The following MAPK8IP1 variants were observed in gnomAD, a reference collection of about 807,000 sequenced individuals.
The protein encoded by MAPK8IP1 is mitogen-activated protein kinase 8 interacting protein 1.
In MAPK8IP1, 17 loss-of-function variants were observed where a neutral mutation model predicts 72.6. That is an observed-to-expected ratio of 0.23 (90% confidence interval 0.16 to 0.35). The LOEUF is 0.35. Ranked by LOEUF, MAPK8IP1 falls within the 10% of genes least tolerant of loss-of-function variation. The probability of loss-of-function intolerance (pLI) is 1.00; values close to 1 mark genes in which losing one functional copy is unlikely to be tolerated. For synonymous variants in MAPK8IP1, 401 were observed against 443.4 expected, an observed-to-expected ratio of 0.90 and a Z score of 1.20; for missense variants, 789 against 1,009.7, an observed-to-expected ratio of 0.78 and a Z score of 2.96.
rs1374530927 is a variant in MAPK8IP1, at chr11:45,900,904, G to A, written c.522+452G>A. Among the ~76,000 whole-genome samples the A allele has an allele frequency of 6.6e-6, 1 of 152,072 alleles. No individual in the cohort carries two copies. Among genetic ancestry groups the A allele is most frequent in the African/African-American group, 2.4e-5 (1 of 41,388 alleles). On this transcript the variant is annotated intron_variant, in intron 3 of 11. Transcript: ENST00000241014. This position sits in a 1 kb window ranked among gnomAD's most constrained non-coding sequence, Gnocchi z 6.5. ...GCCGTGGGAGATCGTGGCGAGGTGG[G>A]GATGGGAAGCTCAGGGGCCACAGCC...
At chr11:45,892,462 G>A (rs1436594980) in intron 1 of MAPK8IP1, among the ~76,000 whole-genome samples, 1 of 152,180 alleles carries the variant, frequency 6.6e-6, no homozygotes, top group Non-Finnish European at 1.5e-5. Flanking sequence ...CCACCCATAT[G>A]GATTAACTGA....
At chr11:45,896,563 T>G in intron 1 of MAPK8IP1, 1 of 1,238,798 alleles carries the variant, frequency 8.1e-7, no homozygotes, top group East Asian at 3.4e-5. Flanking sequence ...TGCAGTAACC[T>G]GATCCCGTGA....
chr11:45,887,348 A>G (rs2086535330), intron 1 of MAPK8IP1, among the ~76,000 whole-genome samples: 1 of 152,180 alleles, frequency 6.6e-6, no homozygotes, highest in African/African-American at 2.4e-5. Flanking sequence ...AACAAGTGTC[A>G]GCCCCCACAC....
Position 45,903,511 on chromosome 11 carries a change from C to A in MAPK8IP1, c.1493+71C>A. On this transcript the variant is annotated intron_variant, in intron 6 of 11. Coordinates refer to ENST00000241014, the MANE Select transcript of MAPK8IP1 (RefSeq NM_005456.4). This position sits in a 1 kb window ranked among gnomAD's most constrained non-coding sequence, Gnocchi z 6.4. ...CCACACACCACCCTCTACTTGTCACCCCTACATGGCCTCAGCCTAACCCCT... is the reference window on the plus strand; with the variant it reads ...CCACACACCACCCTCTACTTGTCACACCTACATGGCCTCAGCCTAACCCCT... 1.5e-6 allele frequency: 2 copies of A among 1,313,262 alleles called. No individual in the cohort carries two copies. The highest frequency in any genetic ancestry group is 2.1e-6 in the Non-Finnish European group (2 of 934,876). The allele number at this position is 1,313,262 out of a possible 1,614,324, so 81.4% of individuals were successfully genotyped here.
At position 45,904,952 on chromosome 11, in the gene MAPK8IP1, T is replaced by G. The variant is rs1294256105; in HGVS notation, c.1894-19T>G. On this transcript the variant is annotated intron_variant, in intron 9 of 11. Transcript: ENST00000241014. This position sits in a 1 kb window ranked among gnomAD's most constrained non-coding sequence, Gnocchi z 6.4. ...CAGGCCAGGTGACCGCCCTCTTGCT[T>G]CTTTTCTCCCTCCTGTAGGGGAATA... is the stretch of plus-strand genomic sequence containing the variant. The G allele has an allele frequency of 9.9e-6, 16 of 1,613,578 alleles. No homozygotes were observed. Among genetic ancestry groups the G allele is most frequent in the Non-Finnish European group, 1.4e-5 (16 of 1,179,524 alleles).
intron 1 of MAPK8IP1, among the ~76,000 whole-genome samples, chr11:45,890,734 G>A (rs76124424): frequency 0.018 from 2,783 of 152,250 alleles, 88 homozygotes; most frequent in African/African-American, 0.063. Context: ...TGGGCAGGGT[G>A]TGAAAATCAT....
chr11:45,898,990 G>A (rs537338948), intron 2 of MAPK8IP1, among the ~76,000 whole-genome samples: 27 of 152,314 alleles, frequency 1.8e-4, no homozygotes, highest in African/African-American at 3.1e-4. Context: ...AGCCAGATAC[G>A]GTGTCAGGAG....
At position 45,887,603 on chromosome 11, in the gene MAPK8IP1, G is replaced by A. The variant is rs114623378; in HGVS notation, c.101+1682G>A. Among the ~76,000 whole-genome samples the A allele has an allele frequency of 4.8e-3, 729 of 152,298 alleles. 6 individuals are homozygous for A. The highest frequency in any genetic ancestry group is 0.017 in the African/African-American group (706 of 41,562). On this transcript the variant is annotated intron_variant, in intron 1 of 11. Transcript: ENST00000241014. ...TCCCAGCCCTGCCTCTGGCCCAGTG[G>A]GCAGCTTTTCTTCCTCGACCTGCTT...
At position 45,904,962 on chromosome 11, in the gene MAPK8IP1, C is replaced by G; in HGVS notation, c.1894-9C>G. Reference sequence around the variant, plus strand: ...GACCGCCCTCTTGCTTCTTTTCTCCCTCCTGTAGGGGAATAAATGTAGCCA... The same window carrying G: ...GACCGCCCTCTTGCTTCTTTTCTCCGTCCTGTAGGGGAATAAATGTAGCCA... On this transcript the variant is annotated splice_polypyrimidine_tract_variant and intron_variant, in intron 9 of 11. Coordinates refer to ENST00000241014, the MANE Select transcript of MAPK8IP1 (RefSeq NM_005456.4). This position sits in a 1 kb window ranked among gnomAD's most constrained non-coding sequence, Gnocchi z 6.4. The G allele has an allele frequency of 6.2e-7, 1 of 1,613,870 alleles. No individual in the cohort carries two copies. Among genetic ancestry groups the G allele is most frequent in the African/African-American group, 1.3e-5 (1 of 75,032 alleles).
chr11:45,895,901 G>A (rs1396515289), intron 1 of MAPK8IP1, among the ~76,000 whole-genome samples: 1 of 152,026 alleles, frequency 6.6e-6, no homozygotes, highest in Non-Finnish European at 1.5e-5. Flanking sequence ...TCTGGCTTCT[G>A]GGCCAGGCCC....
intron 1 of MAPK8IP1, among the ~76,000 whole-genome samples, chr11:45,895,634 A>T (rs2086598922): frequency 8.7e-6 from 1 of 114,322 alleles, no homozygotes; most frequent in African/African-American, 4.3e-5. Flanking sequence ...AAAAAAAAAA[A>T]TATATATATA....
chr11:45,896,583 CCACAGCGGCAGCAG>C, intron 1 of MAPK8IP1: 7 of 1,280,106 alleles, frequency 5.5e-6, no homozygotes, highest in Non-Finnish European at 6.9e-6. Flanking sequence ...AGGGAGGCGG[CCACAGCGGCAGCAG>C]CGCAAGGGCC....
At position 45,903,235 on chromosome 11, in the gene MAPK8IP1, G is replaced by A; in HGVS notation, c.1417+51G>A. 4 of 1,589,334 alleles carry A rather than the reference G, an allele frequency of 2.5e-6. No individual in the cohort carries two copies. The highest frequency in any genetic ancestry group is 3.4e-6 in the Non-Finnish European group (4 of 1,167,234). ...GGTGGGGGGGTCCCTAGCGGGGGCA[G>A]AGCCAAAATGCGAAGTGTTCTGGGA... On this transcript the variant is annotated intron_variant, in intron 5 of 11. Coordinates refer to ENST00000241014, the MANE Select transcript of MAPK8IP1 (RefSeq NM_005456.4). This position sits in a 1 kb window ranked among gnomAD's most constrained non-coding sequence, Gnocchi z 6.4.
rs137944810 is a variant in MAPK8IP1 at position 45,895,809 on chromosome 11, A to G, written c.102-2276A>G. 4.1e-4 allele frequency among the ~76,000 whole-genome samples: 62 copies of G among 151,766 alleles called. 2 individuals carry two copies. Among genetic ancestry groups the G allele is most frequent in the African/African-American group, 1.4e-3 (56 of 41,350 alleles). On this transcript the variant is annotated intron_variant, in intron 1 of 11. Coordinates refer to ENST00000241014, the MANE Select transcript of MAPK8IP1 (RefSeq NM_005456.4). The stretch of plus-strand genomic sequence containing the variant: ...CATCTGGGCAACCAGTGTGAATTGA[A>G]CACTTACTTGGTGCTGGCCACTGGG...
chr11:45,900,242 C>T lies in MAPK8IP1; in HGVS notation c.312C>T (p.Pro104=). 1.5e-6 allele frequency: 2 copies of T among 1,333,506 alleles called. No individual in the cohort carries two copies. Among genetic ancestry groups the T allele is most frequent in the Non-Finnish European group, 1.9e-6 (2 of 1,048,654 alleles). The allele number at this position is 1,333,506 out of a possible 1,614,324, so 82.6% of individuals were successfully genotyped here. A position where few individuals can be genotyped will look rare whatever the true frequency, so the allele number is the denominator to read the frequency against. ...MDLIDATGDT[P]GAEDDEEDDD... ...TGATCGACGCGACGGGGGACACTCC[C>T]GGGGCCGAGGACGACGAGGAGGACG... Residue 104 remains proline, a synonymous_variant, in exon 3 of 12, where the codon CCC becomes CCT. Transcript: ENST00000241014. The surrounding 1 kb of genome is among the most constrained non-coding windows in gnomAD (Gnocchi z 6.5).
intron 1 of MAPK8IP1, among the ~76,000 whole-genome samples, chr11:45,890,082 G>A (rs942729903): frequency 6.6e-6 from 1 of 152,218 alleles, no homozygotes; most frequent in Non-Finnish European, 1.5e-5. Context: ...CCTGGTGGAC[G>A]CATAAAAATA....
At position 45,902,449 on chromosome 11, in the gene MAPK8IP1, G is replaced by T; in HGVS notation, c.682G>T (p.Asp228Tyr). The change falls in exon 5 of 12, where the codon GAT becomes TAT. Residue 228 changes from aspartate (D) to tyrosine (Y), a missense_variant. Transcript: ENST00000241014. The surrounding 1 kb of genome is among the most constrained non-coding windows in gnomAD (Gnocchi z 9.3). ...CCAGAGCGGCCCCGCCCCCACCACAGATCGAGGCACCTCCACCGACAGCCC... is the reference window on the plus strand; with the variant it reads ...CCAGAGCGGCCCCGCCCCCACCACATATCGAGGCACCTCCACCGACAGCCC... ...PPQSGPAPTTDRGTSTDSPCR... is the reference protein window; with the variant it reads ...PPQSGPAPTTYRGTSTDSPCR... 1 of 1,598,050 alleles carries T rather than the reference G, an allele frequency of 6.3e-7. No homozygotes were observed.
Position 45,904,980 on chromosome 11 carries a change from T to C in MAPK8IP1, c.1903T>C (p.Cys635Arg). The C allele has an allele frequency of 6.2e-7, 1 of 1,614,006 alleles. No individual in the cohort carries two copies. Among genetic ancestry groups the C allele is most frequent in the Non-Finnish European group, 8.5e-7 (1 of 1,179,928 alleles). ...DDSQEAKGNK[C>R]SHFFQLKNIS... ...TTTCTCCCTCCTGTAGGGGAATAAA[T>C]GTAGCCACTTTTTCCAGTTAAAAAA... Residue 635 changes from cysteine (C) to arginine (R), a missense_variant, in exon 10 of 12, where the codon TGT (cysteine) becomes CGT (arginine). Cys to Arg is a radical substitution (Grantham distance 180). Transcript: ENST00000241014. The surrounding 1 kb of genome is among the most constrained non-coding windows in gnomAD (Gnocchi z 6.4).
At position 45,885,700 on chromosome 11, in the gene MAPK8IP1, T is replaced by G; in HGVS notation, c.-121T>G. On this transcript the variant is annotated 5_prime_UTR_variant, in exon 1 of 12. Coordinates refer to ENST00000241014, the MANE Select transcript of MAPK8IP1 (RefSeq NM_005456.4). Reference sequence around the variant, plus strand: ...TGTGCCGCGCCCTGCCAGACACAGGTGCGCCCGCCTAGCCCGAACTCCGCG... The same window carrying G: ...TGTGCCGCGCCCTGCCAGACACAGGGGCGCCCGCCTAGCCCGAACTCCGCG... The G allele has an allele frequency of 2.2e-6, 1 of 454,096 alleles. No individual in the cohort carries two copies. The highest frequency in any genetic ancestry group is 3.6e-6 in the Non-Finnish European group (1 of 275,416). 28.1% of individuals were successfully genotyped at this position (454,096 alleles called of 1,614,324 possible).
Sources: gnomAD v4.1 joint callset for allele counts (sites outside exome capture counted in the v4.1 genomes callset) on GRCh38, gnomAD v4.1.1 for gene constraint, Gnocchi (gnomAD v3.1) non-coding constraint, MANE v1.5 for transcripts, NCBI Gene and HGNC (gene_info 2026-07-23, HGNC 2026-07-21) for gene names.